The following NUS1 variants were observed in gnomAD, a reference collection of about 807,000 sequenced individuals.
The protein encoded by NUS1 is NUS1 dehydrodolichyl diphosphate synthase subunit, also known as dehydrodolichyl diphosphate synthase complex subunit NUS1.
For missense variants in NUS1, 292 were observed against 382.9 expected (o/e 0.76, Z 1.98); for synonymous variants, 135 against 155.2 (o/e 0.87, Z 0.97).
At chr6:117,677,485 A>G (rs1227619094) in intron 1 of NUS1, among the ~76,000 whole-genome samples, 1 of 152,240 alleles carries the variant, frequency 6.6e-6, no homozygotes, top group East Asian at 1.9e-4. Flanking sequence ...GAGTATTGGT[A>G]TGAAGGGAAG....
rs1318266759 is a variant in NUS1 at position 117,710,254 on chromosome 6, G to T, written c.*3239G>T. On this transcript the variant is annotated 3_prime_UTR_variant, in exon 5 of 5. Coordinates refer to ENST00000368494, the MANE Select transcript of NUS1 (RefSeq NM_138459.5). ...AATCATAAGACAATTGTTTTTTTGTGCATAGTTTTCATCTAAAATTAAGTT... is the reference window on the plus strand; with the variant it reads ...AATCATAAGACAATTGTTTTTTTGTTCATAGTTTTCATCTAAAATTAAGTT... 6.6e-6 allele frequency: 1 copy of T among 151,902 alleles called. No individual in the cohort carries two copies. The highest frequency in any genetic ancestry group is 1.5e-5 in the Non-Finnish European group (1 of 67,908). The allele number at this position is 151,902 out of a possible 1,614,324, so 9.4% of individuals were successfully genotyped here. A position where few individuals can be genotyped will look rare whatever the true frequency, so the allele number is the denominator to read the frequency against.
chr6:117,701,012 A>C (rs936516322), intron 3 of NUS1, among the ~76,000 whole-genome samples: 2 of 151,164 alleles, frequency 1.3e-5, no homozygotes, highest in African/African-American at 4.9e-5. Flanking sequence ...TACAAAAAAA[A>C]AAATTGAATA....
At position 117,686,845 on chromosome 6, in the gene NUS1, AGTGTGTAT is replaced by A. The variant is rs769335853; in HGVS notation, c.416-6190_416-6183del. Among the ~76,000 whole-genome samples, 992 of 114,472 alleles carry A rather than the reference AGTGTGTAT, an allele frequency of 8.7e-3. 14 individuals carry two copies. Among genetic ancestry groups the A allele is most frequent in the African/African-American group, 0.026 (841 of 32,104 alleles). 75.1% of individuals were successfully genotyped at this position (114,472 alleles called of 152,430 possible). ...CTTGTATTTCTTGTGTATCATGTGAAGTGTGTATGTGTGTGTGTGTGTGTGTGTGTGTG... is the reference window on the plus strand; with the variant it reads ...CTTGTATTTCTTGTGTATCATGTGAAGTGTGTGTGTGTGTGTGTGTGTGTG... On this transcript the variant is annotated intron_variant, in intron 1 of 4. Transcript: ENST00000368494.
chr6:117,695,213 A>G (rs953988073), intron 3 of NUS1, among the ~76,000 whole-genome samples: 6 of 151,290 alleles, frequency 4.0e-5, no homozygotes, highest in African/African-American at 1.2e-4. Context: ...AAAAAAAAAA[A>G]AAAAAAAAGA....
At chr6:117,689,384 G>T (rs568162363) in intron 1 of NUS1, among the ~76,000 whole-genome samples, 2 of 152,216 alleles carry the variant, frequency 1.3e-5, no homozygotes, top group East Asian at 3.9e-4. Context: ...CAAAGGAGGG[G>T]ATTGGTGTGA....
In NUS1 at chr6:117,691,558, G is replaced by GATATATATATAT. The variant is rs60775803; in HGVS notation, c.416-1466_416-1455dup. Among the ~76,000 whole-genome samples, 369 of 136,910 alleles carry GATATATATATAT rather than the reference G, an allele frequency of 2.7e-3. 1 individual carries two copies. The highest frequency in any genetic ancestry group is 7.8e-3 in the East Asian group (37 of 4,722). The allele number at this position is 136,910 out of a possible 152,430, so 89.8% of individuals were successfully genotyped here. ...CAGCAGGTTCTGTGCCATAGATATAGATATATATATATATATATATATATA... is the reference window on the plus strand; with the variant it reads ...CAGCAGGTTCTGTGCCATAGATATAGATATATATATATATATATATATATATATATATATATA... On this transcript the variant is annotated intron_variant, in intron 1 of 4. Coordinates refer to ENST00000368494, the MANE Select transcript of NUS1 (RefSeq NM_138459.5).
chr6:117,685,656 T>TATAAAAAAAAAAA (rs1773126387), intron 1 of NUS1, among the ~76,000 whole-genome samples: 1 of 152,204 alleles, frequency 6.6e-6, no homozygotes. Context: ...CCCAGCCCAT[T>TATAAAAAAAAAAA]TAACTTTTTT....
At chr6:117,694,306 T>G in intron 3 of NUS1, 126 bp downstream of exon 3, 1 of 473,742 alleles carries the variant, frequency 2.1e-6, no homozygotes, top group East Asian at 3.8e-5. Flanking sequence ...GCCTGATTCT[T>G]TTGTTGTTAA....
chr6:117,684,926 A>T (rs1773114068), intron 1 of NUS1, among the ~76,000 whole-genome samples: 1 of 152,264 alleles, frequency 6.6e-6, no homozygotes. Context: ...ATAATCATAT[A>T]CACTAGGATT....
chr6:117,678,450 C>T (rs1472661541), intron 1 of NUS1, among the ~76,000 whole-genome samples: 1 of 151,906 alleles, frequency 6.6e-6, no homozygotes, highest in Non-Finnish European at 1.5e-5. Flanking sequence ...AAATAATATA[C>T]GTGGGTAAAT....
Position 117,703,622 on chromosome 6 carries a change from G to T in NUS1, c.709G>T (p.Asp237Tyr). 6.2e-7 allele frequency: 1 copy of T among 1,613,246 alleles called. No homozygotes were observed. The highest frequency in any genetic ancestry group is 8.5e-7 in the Non-Finnish European group (1 of 1,179,262). The change falls in exon 4 of 5, where the codon GAT (aspartate) becomes TAT (tyrosine). Residue 237 changes from aspartate (D) to tyrosine (Y), a missense_variant. Physicochemically the swap from Asp to Tyr is radical, Grantham distance 160. Coordinates refer to ENST00000368494, the MANE Select transcript of NUS1 (RefSeq NM_138459.5). ...ASLLSSNGCPDPDLVLKFGPV... is the reference protein window; with the variant it reads ...ASLLSSNGCPYPDLVLKFGPV... ...TTTCCAAGGTTCAAATGGTTGTCCTGATCCTGATTTAGTATTGAAGTTCGG... is the reference window on the plus strand; with the variant it reads ...TTTCCAAGGTTCAAATGGTTGTCCTTATCCTGATTTAGTATTGAAGTTCGG...
rs1394351798 is a variant in NUS1, at chr6:117,693,141, C to T, written c.515C>T (p.Ala172Val). ...LDCSKYSPEF[A>V]NSNDKDDQVL... is the part of the protein sequence containing the mutation. Reference sequence around the variant, plus strand: ...TGTTCAAAATACTCACCAGAATTTGCAAATAGTAATGACAAAGATGATCAA... The same window carrying T: ...TGTTCAAAATACTCACCAGAATTTGTAAATAGTAATGACAAAGATGATCAA... The change falls in exon 2 of 5, where the codon GCA becomes GTA. Residue 172 changes from alanine (A) to valine (V), a missense_variant. By Grantham distance (64) the Ala-to-Val change is moderately conservative (BLOSUM62 0). Coordinates refer to ENST00000368494, the MANE Select transcript of NUS1 (RefSeq NM_138459.5). 1.2e-6 allele frequency: 2 copies of T among 1,612,352 alleles called. No homozygotes were observed. The highest frequency in any genetic ancestry group is 1.7e-6 in the Non-Finnish European group (2 of 1,178,890).
chr6:117,675,959 C>T lies in NUS1; in HGVS notation c.289C>T (p.Leu97=), dbSNP rs1315119015. The change falls in exon 1 of 5, where the codon CTG becomes TTG. Residue 97 remains leucine, a synonymous_variant. Coordinates refer to ENST00000368494, the MANE Select transcript of NUS1 (RefSeq NM_138459.5). ...WRADGRSLEK[L]PVHMGLVITE... is the part of the protein sequence containing the mutation. ...CGCGGACGGTCGTTCCTTGGAGAAGCTGCCTGTGCATATGGGCCTGGTGAT... is the reference window on the plus strand; with the variant it reads ...CGCGGACGGTCGTTCCTTGGAGAAGTTGCCTGTGCATATGGGCCTGGTGAT... 1.3e-6 allele frequency: 2 copies of T among 1,547,936 alleles called. No individual in the cohort carries two copies. The highest frequency in any genetic ancestry group is 2.7e-5 in the African/African-American group (2 of 73,104).
intron 3 of NUS1, 152 bp downstream of exon 3, chr6:117,694,332 T>A: frequency 4.8e-6 from 2 of 419,868 alleles, no homozygotes; most frequent in Non-Finnish European, 8.2e-6. Flanking sequence ...GTTAAATTTC[T>A]GAAATTTAAA....
chr6:117,702,812 G>A (rs1399444033), intron 3 of NUS1, among the ~76,000 whole-genome samples: 1 of 152,172 alleles, frequency 6.6e-6, no homozygotes, highest in African/African-American at 2.4e-5. Context: ...TTTAGCACTG[G>A]AGAGGTTGTA....
chr6:117,681,952 C>T (rs1336768513), intron 1 of NUS1, among the ~76,000 whole-genome samples: 1 of 152,172 alleles, frequency 6.6e-6, no homozygotes, highest in Non-Finnish European at 1.5e-5. Flanking sequence ...CCTGCCTCAG[C>T]CTCCTGAGTA....
intron 3 of NUS1, among the ~76,000 whole-genome samples, chr6:117,700,207 C>G (rs186629429): frequency 5.7e-4 from 86 of 152,188 alleles, no homozygotes; most frequent in African/African-American, 2.1e-3. Flanking sequence ...GAAAAGACAA[C>G]ACAGAATGGG....
intron 1 of NUS1, among the ~76,000 whole-genome samples, chr6:117,686,845 AGTGT>A (rs1405737263): frequency 7.2e-4 from 83 of 114,488 alleles, no homozygotes; most frequent in African/African-American, 2.5e-3. Context: ...TATCATGTGA[AGTGT>A]GTATGTGTGT....
chr6:117,680,244 G>A (rs1440115618), intron 1 of NUS1, among the ~76,000 whole-genome samples: 2 of 152,122 alleles, frequency 1.3e-5, no homozygotes, highest in East Asian at 1.9e-4. Flanking sequence ...GAATTCTAGC[G>A]AGATTTGGCT....
Sources: gnomAD v4.1 joint callset for allele counts (sites outside exome capture counted in the v4.1 genomes callset) on GRCh38, gnomAD v4.1.1 for gene constraint, MANE v1.5 for transcripts, NCBI Gene and HGNC (gene_info 2026-07-23, HGNC 2026-07-21) for gene names.